Variants in MTX2 observed in about 807,000 individuals in gnomAD.
MTX2 encodes the protein metaxin 2.
A neutral mutation model predicts 42.3 loss-of-function variants in MTX2; 35 were observed. The observed-to-expected ratio is 0.83, with a 90% CI of 0.63 to 1.10. MTX2 has a LOEUF of 1.10. Among genes scored for constraint, MTX2 ranks in the 50% least tolerant of loss-of-function variants. MTX2 has a pLI of 0.00. For synonymous variants in MTX2, 119 were observed against 100.9 expected (o/e 1.18, Z -1.08); for missense variants, 307 against 304.1 (o/e 1.01, Z -0.07).
intron 9 of MTX2, among the ~76,000 whole-genome samples, chr2:176,331,360 A>G (rs1217972843): frequency 6.6e-6 from 1 of 151,034 alleles, no homozygotes; most frequent in African/African-American, 2.4e-5. Context: ...AAGCATTTTA[A>G]TCTCAAAACT....
chr2:176,307,940 A>G (rs1201482098), intron 3 of MTX2, among the ~76,000 whole-genome samples: 1 of 152,142 alleles, frequency 6.6e-6, no homozygotes, highest in Non-Finnish European at 1.5e-5. Flanking sequence ...ACTGTGTTCA[A>G]TAGGAGTGGT....
intron 3 of MTX2, among the ~76,000 whole-genome samples, chr2:176,320,004 G>A (rs577136863): frequency 3.8e-4 from 58 of 152,296 alleles, no homozygotes; most frequent in African/African-American, 1.3e-3. Flanking sequence ...AAGTTTGGAT[G>A]AAAATGCTTT....
intron 3 of MTX2, among the ~76,000 whole-genome samples, chr2:176,313,280 T>C (rs1359580631): frequency 4.6e-5 from 7 of 152,022 alleles, no homozygotes; most frequent in African/African-American, 1.7e-4. Context: ...ATGAGAAAGC[T>C]TCTGAGATAA....
chr2:176,334,471 A>G (rs1024670986), intron 9 of MTX2, among the ~76,000 whole-genome samples: 5 of 151,772 alleles, frequency 3.3e-5, no homozygotes, highest in African/African-American at 1.2e-4. Context: ...TCCACTCTAC[A>G]TCCTTGGTTT....
chr2:176,276,619 T>C (rs1444655339), intron 1 of MTX2, among the ~76,000 whole-genome samples: 1 of 152,032 alleles, frequency 6.6e-6, no homozygotes, highest in Non-Finnish European at 1.5e-5. Flanking sequence ...TATAGGGTGG[T>C]AGATAATAAA....
chr2:176,330,338 A>C (rs1411888399), intron 8 of MTX2, among the ~76,000 whole-genome samples: 1 of 145,824 alleles, frequency 6.9e-6, no homozygotes, highest in African/African-American at 2.5e-5. Flanking sequence ...AAAGTATTAT[A>C]TATATATACT....
intron 1 of MTX2, chr2:176,270,532 TAGTCATAACTC>T: frequency 1.6e-6 from 1 of 618,968 alleles, no homozygotes; most frequent in South Asian, 1.7e-5. Context: ...CTAATGGAAT[TAGTCATAACTC>T]CCTAGCAGTG....
Position 176,329,895 on chromosome 2 carries a change from A to G in MTX2, c.543+469A>G, listed in dbSNP as rs72925144. Among the ~76,000 whole-genome samples, 1,239 of 125,198 alleles carry G rather than the reference A, an allele frequency of 9.9e-3. 16 individuals carry two copies. Among genetic ancestry groups the G allele is most frequent in the African/African-American group, 0.032 (1,082 of 34,054 alleles). 82.1% of individuals were successfully genotyped at this position (125,198 alleles called of 152,430 possible). On this transcript the variant is annotated intron_variant, in intron 8 of 9. Transcript: ENST00000249442. ...CAGTACTTTGTCCGTCTGTCTGTCT[A>G]TCTATCTGTCTATCTGTCTATCTAT...
chr2:176,324,622 T>G (rs1179342049), intron 4 of MTX2, among the ~76,000 whole-genome samples: 1 of 151,770 alleles, frequency 6.6e-6, no homozygotes, highest in East Asian at 1.9e-4. Context: ...GGTTAGAAGG[T>G]TAGTAATCTA....
chr2:176,325,432 C>G (rs571294875), intron 4 of MTX2, among the ~76,000 whole-genome samples: 1 of 151,602 alleles, frequency 6.6e-6, no homozygotes, highest in African/African-American at 2.4e-5. Flanking sequence ...TTTTATATAT[C>G]TCTTTATATT....
At chr2:176,290,298 A>G (rs1246674072) in intron 1 of MTX2, among the ~76,000 whole-genome samples, 1 of 152,092 alleles carries the variant, frequency 6.6e-6, no homozygotes, top group Non-Finnish European at 1.5e-5. Flanking sequence ...AGGGATCCCC[A>G]TTCTCCTCAC....
At chr2:176,275,206 G>A (rs1483816371) in intron 1 of MTX2, among the ~76,000 whole-genome samples, 4 of 151,888 alleles carry the variant, frequency 2.6e-5, no homozygotes, top group Non-Finnish European at 5.9e-5. Flanking sequence ...TGAATGAATA[G>A]TTGTTTCTCT....
At chr2:176,328,792 A>T (rs1169876535) in intron 6 of MTX2, 82 bp from the exon 7 acceptor site, 4 of 1,379,692 alleles carry the variant, frequency 2.9e-6, no homozygotes, top group Non-Finnish European at 4.1e-6. Flanking sequence ...GCTTATAAAA[A>T]ATTGCCTTGG....
chr2:176,300,105 A>G (rs1051886174), intron 3 of MTX2, among the ~76,000 whole-genome samples: 14 of 151,556 alleles, frequency 9.2e-5, no homozygotes, highest in African/African-American at 2.7e-4. Flanking sequence ...ATGTGTATAT[A>G]TGCAGTATTA....
intron 2 of MTX2, 71 bp downstream of exon 2, chr2:176,296,978 A>G: frequency 7.2e-7 from 1 of 1,393,316 alleles, no homozygotes. Context: ...CCTCAGTAAT[A>G]CAATTTACTG....
intron 1 of MTX2, among the ~76,000 whole-genome samples, chr2:176,290,028 T>G (rs1413876591): frequency 6.6e-6 from 1 of 152,084 alleles, no homozygotes; most frequent in Non-Finnish European, 1.5e-5. Flanking sequence ...AAATGATATA[T>G]AAGAAAAATG....
chr2:176,307,434 G>T (rs1019832978), intron 3 of MTX2, among the ~76,000 whole-genome samples: 4 of 152,092 alleles, frequency 2.6e-5, no homozygotes. Flanking sequence ...TTCCAATTCT[G>T]TGAAAAAAGT....
At chr2:176,296,773 T>C in intron 1 of MTX2, 87 bp from the exon 2 acceptor site, 3 of 1,344,660 alleles carry the variant, frequency 2.2e-6, no homozygotes, top group Non-Finnish European at 3.2e-6. Context: ...TTAAATGCTG[T>C]AGGCAAATGT....
rs561040531 is a variant in MTX2 at position 176,291,895 on chromosome 2, G to A, written c.41-4965G>A. ...TGAAGGCCAGTGGGGCTGGAGTGCA[G>A]AGAGTCAAGGTTAGGGATGTGTGTG... On this transcript the variant is annotated intron_variant, in intron 1 of 9. Transcript: ENST00000249442. 2.6e-5 allele frequency among the ~76,000 whole-genome samples: 4 copies of A among 152,152 alleles called. No homozygotes were observed. The South Asian group carries it at 8.3e-4, about 31-fold the overall frequency.
Sources: allele counts gnomAD v4.1 joint callset (sites outside exome capture counted in the v4.1 genomes callset), GRCh38; gene constraint gnomAD v4.1.1; transcripts MANE v1.5; gene names NCBI Gene and HGNC (gene_info 2026-07-23, HGNC 2026-07-21).